The following LTBP2 variants were observed in gnomAD, a reference collection of about 807,000 sequenced individuals.
The protein encoded by LTBP2 is latent-transforming growth factor beta-binding protein 2.
In LTBP2, 103 loss-of-function variants were observed where a neutral mutation model predicts 210.6. The ratio of observed to expected loss-of-function variants is 0.49; its 90% confidence interval spans 0.42 to 0.58. The LOEUF (loss-of-function observed/expected upper bound fraction) is 0.58. LTBP2 is among the 20% of genes least tolerant of loss of function. The probability of loss-of-function intolerance (pLI) is 0.00; values close to 1 mark genes in which losing one functional copy is unlikely to be tolerated. For missense variants in LTBP2, 2,313 were observed against 2,494.5 expected, an observed-to-expected ratio of 0.93 and a Z score of 1.55; for synonymous variants, 1,007 against 1,015.0, an observed-to-expected ratio of 0.99 and a Z score of 0.15.
At chr14:74,608,767 G>C (rs2139812867) in intron 1 of LTBP2, among the ~76,000 whole-genome samples, 1 of 148,282 alleles carries the variant, frequency 6.7e-6, no homozygotes, top group East Asian at 1.9e-4. Flanking sequence ...GAAAAGAAAT[G>C]AAAAAGAAAC....
At chr14:74,522,768 C>T in intron 16 of LTBP2, 22 bp downstream of exon 16, 1 of 1,605,268 alleles carries the variant, frequency 6.2e-7, no homozygotes. Context: ...GCCAAGTAAG[C>T]CCAGGGCACC....
chr14:74,538,647 C>G (rs1276764547), intron 8 of LTBP2, among the ~76,000 whole-genome samples: 1 of 152,236 alleles, frequency 6.6e-6, no homozygotes, highest in Non-Finnish European at 1.5e-5. Context: ...TGAGGACACA[C>G]TGTGTGCCAA....
chr14:74,508,741 A>G lies in LTBP2; in HGVS notation c.3527-12T>C. The G allele has an allele frequency of 6.2e-7, 1 of 1,613,484 alleles. No homozygotes were observed. The highest frequency in any genetic ancestry group is 2.2e-5 in the East Asian group (1 of 44,850). ...GCACTCATTCACATCTGCAGGGAAA[A>G]GATGGGGAGTGGGTGTCTGCTGGGG... On this transcript the variant is annotated splice_polypyrimidine_tract_variant and intron_variant, in intron 23 of 35. Transcript: ENST00000261978.
At chr14:74,555,342 G>A (rs1442734150) in intron 4 of LTBP2, among the ~76,000 whole-genome samples, 161 bp downstream of exon 4, 1 of 152,090 alleles carries the variant, frequency 6.6e-6, no homozygotes, top group Non-Finnish European at 1.5e-5. Context: ...CCTGGACCCC[G>A]GCACAAAGCA....
At chr14:74,537,014 G>A (rs1342777297) in intron 8 of LTBP2, among the ~76,000 whole-genome samples, 1 of 151,752 alleles carries the variant, frequency 6.6e-6, no homozygotes, top group Non-Finnish European at 1.5e-5. Flanking sequence ...GGATTTTATT[G>A]TTATTACTTT....
At position 74,499,526 on chromosome 14, in the gene LTBP2, C is replaced by T. The variant is rs2086887861; in HGVS notation, c.*1358G>A. The T allele has an allele frequency of 8.7e-6, 2 of 229,260 alleles. No individual in the cohort carries two copies. The highest frequency in any genetic ancestry group is 1.2e-4 in the East Asian group (2 of 16,086). 14.2% of individuals were successfully genotyped at this position (229,260 alleles called of 1,614,324 possible). On this transcript the variant is annotated 3_prime_UTR_variant, in exon 36 of 36. Coordinates refer to ENST00000261978, the MANE Select transcript of LTBP2 (RefSeq NM_000428.3). ...AAATTAAGAAAGTAGCATTCACTTCCATGCTCCAGTCACATGGAGCCTTGT... is the reference window on the plus strand; with the variant it reads ...AAATTAAGAAAGTAGCATTCACTTCTATGCTCCAGTCACATGGAGCCTTGT...
chr14:74,551,449 C>T, intron 6 of LTBP2, 99 bp from the exon 7 acceptor site: 1 of 1,194,792 alleles, frequency 8.4e-7, no homozygotes, highest in Admixed American at 2.9e-5. Flanking sequence ...AGGCAGGCCA[C>T]TGGCTATGTG....
chr14:74,534,719 C>T (rs1307612630), intron 9 of LTBP2, among the ~76,000 whole-genome samples: 1 of 152,148 alleles, frequency 6.6e-6, no homozygotes, highest in Admixed American at 6.5e-5. Flanking sequence ...CCCTCCAATA[C>T]TCTGTGGAAG....
At chr14:74,592,874 T>A (rs866910867) in intron 2 of LTBP2, among the ~76,000 whole-genome samples, 5 of 152,066 alleles carry the variant, frequency 3.3e-5, no homozygotes, top group Non-Finnish European at 5.9e-5. Flanking sequence ...AAGACTACAC[T>A]GTGACGAAGC....
rs1054115309 is a variant in LTBP2 at position 74,528,372 on chromosome 14, G to A, written c.2368+111C>T. 3.8e-5 allele frequency: 47 copies of A among 1,251,456 alleles called. No individual in the cohort carries two copies. In the African/African-American group the frequency reaches 3.9e-4, roughly 10 times the overall value. The allele number at this position is 1,251,456 out of a possible 1,614,324, so 77.5% of individuals were successfully genotyped here. On this transcript the variant is annotated intron_variant, in intron 12 of 35. Coordinates refer to ENST00000261978, the MANE Select transcript of LTBP2 (RefSeq NM_000428.3). ...GCTGCTCCAAGCTCCCTTTCCTAAT[G>A]CCACAGAGATGGGATGCCCAGGGAC...
rs2088621750 is a variant in LTBP2 at position 74,611,992 on chromosome 14, T to C, written c.-48A>G. On this transcript the variant is annotated 5_prime_UTR_variant, in exon 1 of 36. Coordinates refer to ENST00000261978, the MANE Select transcript of LTBP2 (RefSeq NM_000428.3). Reference sequence around the variant, plus strand: ...GTGCGCGCGGGCACCGCGAAGAGCTTTGTGGTCGGCACGCTGGACGCCCGC... The same window carrying C: ...GTGCGCGCGGGCACCGCGAAGAGCTCTGTGGTCGGCACGCTGGACGCCCGC... The C allele has an allele frequency of 7.4e-6, 11 of 1,487,236 alleles. No individual in the cohort carries two copies. The highest frequency in any genetic ancestry group is 1.4e-5 in the African/African-American group (1 of 69,900). 92.1% of individuals were successfully genotyped at this position (1,487,236 alleles called of 1,614,324 possible).
chr14:74,501,595 G>C lies in LTBP2; in HGVS notation c.5171-5C>G. On this transcript the variant is annotated splice_region_variant and splice_polypyrimidine_tract_variant and intron_variant, in intron 34 of 35. Transcript: ENST00000261978. ...CTTCGAAGCCGGCTGGGGGCTCTGGGAGGAGGAAATCGGAGAGAGGAGGAG... is the reference window on the plus strand; with the variant it reads ...CTTCGAAGCCGGCTGGGGGCTCTGGCAGGAGGAAATCGGAGAGAGGAGGAG... 1 of 1,614,008 alleles carries C rather than the reference G, an allele frequency of 6.2e-7. No individual in the cohort carries two copies. The highest frequency in any genetic ancestry group is 1.3e-5 in the African/African-American group (1 of 75,060).
intron 33 of LTBP2, 70 bp downstream of exon 33, chr14:74,503,149 C>G (rs2086933733): frequency 1.9e-6 from 3 of 1,595,000 alleles, no homozygotes; most frequent in South Asian, 2.2e-5. Flanking sequence ...TCCCCAGTTC[C>G]AAGGTGAGGG....
intron 2 of LTBP2, among the ~76,000 whole-genome samples, chr14:74,601,249 T>C (rs1422002200): frequency 2.0e-5 from 3 of 152,144 alleles, no homozygotes; most frequent in African/African-American, 7.2e-5. Context: ...CACTTTCTTC[T>C]TTAAAATTAT....
At chr14:74,503,005 C>G (rs944758140) in intron 33 of LTBP2, 71 bp from the exon 34 acceptor site, 5 of 1,587,272 alleles carry the variant, frequency 3.2e-6, no homozygotes, top group South Asian at 1.1e-5. Flanking sequence ...GGCTTTGTCT[C>G]TGGGAGCATG....
intron 17 of LTBP2, among the ~76,000 whole-genome samples, chr14:74,517,919 G>C (rs1469592863): frequency 6.6e-6 from 1 of 152,228 alleles, no homozygotes; most frequent in Non-Finnish European, 1.5e-5. Context: ...AGCTGGCCCA[G>C]CTCTGCTGTA....
intron 8 of LTBP2, among the ~76,000 whole-genome samples, chr14:74,536,881 T>C (rs1300861668): frequency 1.3e-5 from 2 of 152,158 alleles, no homozygotes; most frequent in African/African-American, 4.8e-5. Flanking sequence ...ACCACAAATA[T>C]ATACAATTTT....
intron 9 of LTBP2, 113 bp downstream of exon 9, chr14:74,535,813 G>A: frequency 1.1e-6 from 1 of 916,918 alleles, no homozygotes; most frequent in Non-Finnish European, 1.8e-6. Flanking sequence ...CCAAAGCTGG[G>A]GCTTAGAGGG....
In LTBP2 at chr14:74,549,850, C is replaced by G; in HGVS notation, c.1789+13G>C. On this transcript the variant is annotated intron_variant, in intron 8 of 35. Transcript: ENST00000261978. ...TTCCTCCACAACACGTGACCTTGGA[C>G]TCCAGCACTCACCTGGTCTGGGTGG... is the stretch of plus-strand genomic sequence containing the variant. 6.2e-7 allele frequency: 1 copy of G among 1,609,386 alleles called. No individual in the cohort carries two copies. Among genetic ancestry groups the G allele is most frequent in the Non-Finnish European group, 8.5e-7 (1 of 1,175,720 alleles).
Sources: gnomAD v4.1 joint callset for allele counts (sites outside exome capture counted in the v4.1 genomes callset) on GRCh38, gnomAD v4.1.1 for gene constraint, MANE v1.5 for transcripts, NCBI Gene and HGNC (gene_info 2026-07-23, HGNC 2026-07-21) for gene names.